The following PNO1 variants were observed in gnomAD, a reference collection of about 807,000 sequenced individuals.
PNO1 encodes the protein RNA-binding protein PNO1.
Under a neutral mutation model 28.4 loss-of-function variants are expected in PNO1, and 16 were observed. The ratio of observed to expected loss-of-function variants is 0.56; its 90% CI spans 0.38 to 0.85. The LOEUF (loss-of-function observed/expected upper bound fraction) is 0.85, where lower values mean the gene tolerates loss of function less well. Among genes scored for constraint, PNO1 ranks in the 40% least tolerant of loss-of-function variants. The pLI, the probability that PNO1 is intolerant of heterozygous loss-of-function variation, is 0.00. For synonymous variants in PNO1, 115 were observed against 110.8 expected (o/e 1.04, Z -0.24); for missense variants, 304 against 312.2 (o/e 0.97, Z 0.20).
chr2:68,162,203 C>G (rs927932458), intron 3 of PNO1, 62 bp from the exon 4 acceptor site: 8 of 1,252,600 alleles, frequency 6.4e-6, no homozygotes, highest in African/African-American at 6.0e-5. Context: ...GTGCTTTGCA[C>G]TTTACTCTTT....
intron 5 of PNO1, among the ~76,000 whole-genome samples, chr2:68,170,667 G>T (rs1572941976): frequency 7.2e-6 from 1 of 138,280 alleles, no homozygotes; most frequent in Middle Eastern, 4.6e-3. Flanking sequence ...AGAATGGCGA[G>T]AATCCGAGAG....
At chr2:68,162,190 ATAGTGCTT>A in intron 3 of PNO1, 67 bp from the exon 4 acceptor site, 1 of 1,105,724 alleles carries the variant, frequency 9.0e-7, no homozygotes, top group African/African-American at 1.6e-5. Flanking sequence ...TTTTAGTTCC[ATAGTGCTT>A]TGCACTTTAC....
At position 68,174,794 on chromosome 2, in the gene PNO1, C is replaced by T. The variant is rs1279710684; in HGVS notation, c.751C>T (p.Arg251Ter). The change falls in exon 7 of 7, where the codon CGA becomes TGA. Residue 251 changes from arginine (R) to a stop codon, truncating the protein, a stop_gained. Coordinates refer to ENST00000263657, the MANE Select transcript of PNO1 (RefSeq NM_020143.4). LOFTEE classifies it high-confidence loss of function. Reference protein sequence around the residue: ...IRAVASRSADRF With the variant: ...IRAVASRSAD ...AGCTGTGGCTAGCAGATCAGCAGAT[C>T]GATTCTGATTTCAAGTCAGAGACTT... 2.5e-6 allele frequency: 4 copies of T among 1,601,292 alleles called. No individual in the cohort carries two copies. The highest frequency in any genetic ancestry group is 1.3e-5 in the African/African-American group (1 of 74,634).
At chr2:68,165,690 AAGAATTT>A (rs1281438895) in intron 5 of PNO1, among the ~76,000 whole-genome samples, 3 of 152,206 alleles carry the variant, frequency 2.0e-5, no homozygotes, top group Non-Finnish European at 4.4e-5. Flanking sequence ...CAAAAAAAAA[AAGAATTT>A]AGAAATCTAA....
intron 5 of PNO1, among the ~76,000 whole-genome samples, chr2:68,163,464 G>T (rs766350488): frequency 6.2e-4 from 95 of 152,254 alleles, no homozygotes; most frequent in Non-Finnish European, 1.2e-3. Context: ...CTAGGAGGAG[G>T]AGGTTGCAGT....
intron 5 of PNO1, among the ~76,000 whole-genome samples, chr2:68,170,530 A>G (rs997661148): frequency 1.4e-4 from 22 of 152,048 alleles, no homozygotes; most frequent in Admixed American, 9.2e-4. Flanking sequence ...GGCGGATCAC[A>G]ATGTCAGGAG....
rs140763668 is a variant in PNO1, at chr2:68,167,220, A to G, written c.620+4557A>G. On this transcript the variant is annotated intron_variant, in intron 5 of 6. Coordinates refer to ENST00000263657, the MANE Select transcript of PNO1 (RefSeq NM_020143.4). Reference sequence around the variant, plus strand: ...ATGAACCTTAAAGGTCTTTATGACTACCTGTTCTGGAGGCTGAATTAGAGA... The same window carrying G: ...ATGAACCTTAAAGGTCTTTATGACTGCCTGTTCTGGAGGCTGAATTAGAGA... Among the ~76,000 whole-genome samples, 7 of 152,264 alleles carry G rather than the reference A, an allele frequency of 4.6e-5. No homozygotes were observed. The East Asian group carries it at 1.3e-3, about 29-fold the overall frequency.
intron 5 of PNO1, among the ~76,000 whole-genome samples, chr2:68,170,409 T>C (rs1430800990): frequency 6.6e-6 from 1 of 152,142 alleles, no homozygotes; most frequent in Non-Finnish European, 1.5e-5. Flanking sequence ...TCATGCTCTG[T>C]TTTAAATAAT....
intron 5 of PNO1, 57 bp downstream of exon 5, chr2:68,162,720 T>C: frequency 1.8e-6 from 2 of 1,128,936 alleles, no homozygotes; most frequent in Non-Finnish European, 2.7e-6. Context: ...TCTTTTGTTT[T>C]AAGAAAGTCA....
At chr2:68,171,048 A>AT (rs1287192791) in intron 5 of PNO1, among the ~76,000 whole-genome samples, 1 of 152,030 alleles carries the variant, frequency 6.6e-6, no homozygotes, top group Non-Finnish European at 1.5e-5. Context: ...TTTTTGTTAG[A>AT]TTCGTGTTCA....
At chr2:68,174,641 T>C (rs1286001178) in intron 6 of PNO1, 94 bp from the exon 7 acceptor site, 5 of 733,326 alleles carry the variant, frequency 6.8e-6, no homozygotes, top group Non-Finnish European at 1.2e-5. Flanking sequence ...TCTGTGGGAG[T>C]CCTGAAACCA....
In PNO1 at chr2:68,176,148, G is replaced by C. The variant is rs1427397465; in HGVS notation, c.*1346G>C. ...CAAAAAACTATGCTCTATAAATGCA[G>C]ATTAGCTAGTTTCTGCCTGTTTAAA... On this transcript the variant is annotated 3_prime_UTR_variant, in exon 7 of 7. Coordinates refer to ENST00000263657, the MANE Select transcript of PNO1 (RefSeq NM_020143.4). 1 of 152,174 alleles carries C rather than the reference G, an allele frequency of 6.6e-6. No homozygotes were observed. The highest frequency in any genetic ancestry group is 1.5e-5 in the Non-Finnish European group (1 of 68,028). The allele number at this position is 152,174 out of a possible 1,614,324, so 9.4% of individuals were successfully genotyped here.
chr2:68,158,366 T>G lies in PNO1; in HGVS notation c.208-14T>G, dbSNP rs1673728175. The stretch of plus-strand genomic sequence containing the variant: ...CTCCATAGCCTTCTGAGTTGTGTGT[T>G]CTTTTATTTACAGAGTGGGAAAGAA... On this transcript the variant is annotated splice_polypyrimidine_tract_variant and intron_variant, in intron 1 of 6. Transcript: ENST00000263657. 6.2e-7 allele frequency: 1 copy of G among 1,603,980 alleles called. No homozygotes were observed. The highest frequency in any genetic ancestry group is 1.7e-5 in the Admixed American group (1 of 57,650).
intron 5 of PNO1, among the ~76,000 whole-genome samples, chr2:68,168,038 G>C (rs1279057366): frequency 6.6e-6 from 1 of 152,142 alleles, no homozygotes; most frequent in Non-Finnish European, 1.5e-5. Flanking sequence ...TCTTAGAAAG[G>C]GTTGCAGTCT....
rs1137930 is a variant in PNO1, at chr2:68,161,691, A to G, written c.366A>G (p.Lys122=). 508,902 of 1,603,558 alleles carry G rather than the reference A, an allele frequency of 0.32. 86,865 individuals carry two copies. The highest frequency in any genetic ancestry group is 0.51 in the South Asian group (46,272 of 90,536). ...KSRNVEIRTC[K]ETKDVSALTK... ...TTTTTGTTTTTTAACAGACTTGTAA[A>G]GAAACCAAGGATGTTAGTGCTCTGA... is the stretch of plus-strand genomic sequence containing the variant. Residue 122 remains lysine, a synonymous_variant, in exon 3 of 7, where the codon AAA becomes AAG. Transcript: ENST00000263657.
chr2:68,163,710 A>G (rs949788192), intron 5 of PNO1, among the ~76,000 whole-genome samples: 1 of 152,188 alleles, frequency 6.6e-6, no homozygotes, highest in African/African-American at 2.4e-5. Flanking sequence ...GGCCTTTTAT[A>G]AAAGGAGGGG....
Position 68,162,666 on chromosome 2 carries a change from A to G in PNO1, c.620+3A>G. The stretch of plus-strand genomic sequence containing the variant: ...ACAAGGATAGTTTTGGCTGATGTGT[A>G]AGTATCTGATCTTGAGAAAATTATT... On this transcript the variant is annotated splice_donor_region_variant and intron_variant, in intron 5 of 6. Coordinates refer to ENST00000263657, the MANE Select transcript of PNO1 (RefSeq NM_020143.4). 1 of 1,524,780 alleles carries G rather than the reference A, an allele frequency of 6.6e-7. No homozygotes were observed. The highest frequency in any genetic ancestry group is 1.4e-5 in the African/African-American group (1 of 73,306). 94.5% of individuals were successfully genotyped at this position (1,524,780 alleles called of 1,614,324 possible). A position where few individuals can be genotyped will look rare whatever the true frequency, so the allele number is the denominator to read the frequency against.
At chr2:68,171,720 A>G (rs1449970476) in intron 5 of PNO1, among the ~76,000 whole-genome samples, 1 of 152,172 alleles carries the variant, frequency 6.6e-6, no homozygotes, top group East Asian at 1.9e-4. Context: ...GAGAGCGGAG[A>G]GTGACAGATG....
chr2:68,159,379 T>C (rs1673771376), intron 2 of PNO1, among the ~76,000 whole-genome samples: 1 of 152,088 alleles, frequency 6.6e-6, no homozygotes, highest in South Asian at 2.1e-4. Context: ...TGGCTAATTT[T>C]TGTATTTTTA....
Sources: gnomAD v4.1 joint callset for allele counts (sites outside exome capture counted in the v4.1 genomes callset) on GRCh38, gnomAD v4.1.1 for gene constraint, MANE v1.5 for transcripts, NCBI Gene and HGNC (gene_info 2026-07-23, HGNC 2026-07-21) for gene names.